WDR88: variants seen among roughly 807,000 people sequenced by gnomAD.
The protein encoded by WDR88 is WD repeat domain 88.
In WDR88, 40 loss-of-function variants were observed where a neutral mutation model predicts 46.8. That is an observed-to-expected ratio of 0.86 (90% CI 0.66 to 1.11). The LOEUF is 1.11. Ranked by LOEUF, WDR88 falls within the 50% of genes most tolerant of loss-of-function variation. The probability of loss-of-function intolerance (pLI) is 0.00; values close to 1 mark genes in which losing one functional copy is unlikely to be tolerated. For missense variants in WDR88, 562 were observed against 602.4 expected (o/e 0.93, Z 0.70); for synonymous variants, 235 against 240.7 (o/e 0.98, Z 0.22).
intron 1 of WDR88, 48 bp downstream of exon 1, chr19:33,132,493 G>T (rs374097747): frequency 1.9e-6 from 3 of 1,596,348 alleles, no homozygotes; most frequent in African/African-American, 1.3e-5. Context: ...TTCCCCACAC[G>T]GGAGGAAGGC....
intron 2 of WDR88, among the ~76,000 whole-genome samples, chr19:33,142,270 A>T (rs1973411994): frequency 6.6e-6 from 1 of 152,016 alleles, no homozygotes; most frequent in Non-Finnish European, 1.5e-5. Flanking sequence ...AGTGGCAGCC[A>T]ATGGGACCAG....
At chr19:33,149,781 T>G (rs1973595992) in intron 5 of WDR88, among the ~76,000 whole-genome samples, 1 of 152,050 alleles carries the variant, frequency 6.6e-6, no homozygotes, top group Admixed American at 6.6e-5. Flanking sequence ...TGCCTCAGCC[T>G]TCTGAGTAGC....
At chr19:33,157,667 ATGTG>A (rs1211109483) in intron 7 of WDR88, among the ~76,000 whole-genome samples, 1 of 95,162 alleles carries the variant, frequency 1.1e-5, no homozygotes, top group East Asian at 5.2e-4. Context: ...ATATGTATGT[ATGTG>A]TGTGTGTGTA....
chr19:33,168,115 T>A (rs1027073223), intron 9 of WDR88, among the ~76,000 whole-genome samples: 1 of 151,554 alleles, frequency 6.6e-6, no homozygotes, highest in Non-Finnish European at 1.5e-5. Context: ...GCAACCTCCA[T>A]CTTCTGGGTT....
intron 6 of WDR88, among the ~76,000 whole-genome samples, chr19:33,153,709 G>A (rs1269410958): frequency 1.3e-5 from 2 of 151,852 alleles, no homozygotes; most frequent in Non-Finnish European, 2.9e-5. Flanking sequence ...TGGCCAGGCT[G>A]GTCTCAAACT....
intron 9 of WDR88, among the ~76,000 whole-genome samples, 167 bp downstream of exon 9, chr19:33,164,432 C>G (rs938997661): frequency 1.3e-5 from 2 of 152,246 alleles, no homozygotes; most frequent in African/African-American, 4.8e-5. Flanking sequence ...TCCTTCTATG[C>G]GCAAACGCGA....
At chr19:33,151,393 A>C (rs1973632360) in intron 6 of WDR88, 83 bp downstream of exon 6, 1 of 1,507,264 alleles carries the variant, frequency 6.6e-7, no homozygotes, top group African/African-American at 1.4e-5. Flanking sequence ...ATAAGCCAGC[A>C]TCCATGTGGA....
chr19:33,170,237 G>C (rs1238698748), intron 9 of WDR88, among the ~76,000 whole-genome samples: 1 of 151,742 alleles, frequency 6.6e-6, no homozygotes, highest in East Asian at 1.9e-4. Flanking sequence ...GAGTGCAGTG[G>C]CATGATCTCA....
At chr19:33,166,766 G>C (rs199718622) in intron 9 of WDR88, among the ~76,000 whole-genome samples, 1 of 134,242 alleles carries the variant, frequency 7.4e-6, no homozygotes, top group Admixed American at 7.6e-5. Context: ...ACAAAAAATA[G>C]CTAGGAGTGG....
At position 33,132,345 on chromosome 19, in the gene WDR88, A is replaced by AC. The variant is rs1195660471; in HGVS notation, c.181dup (p.Leu61ProfsTer14). On this transcript the variant is annotated frameshift_variant, in exon 1 of 11. Coordinates refer to ENST00000355868, the MANE Select transcript of WDR88 (RefSeq NM_173479.4). LOFTEE classifies it high-confidence loss of function. ...CACACGCACCTGCTGGCCACCCTCGACCCCCTGGCCTTGGACAGGGAACCA... is the reference window on the plus strand; with the variant it reads ...CACACGCACCTGCTGGCCACCCTCGACCCCCCTGGCCTTGGACAGGGAACCA... The AC allele has an allele frequency of 6.2e-7, 1 of 1,613,834 alleles. No homozygotes were observed. Among genetic ancestry groups the AC allele is most frequent in the Admixed American group, 1.7e-5 (1 of 59,986 alleles).
Position 33,160,501 on chromosome 19 carries a change from A to T in WDR88, c.1080+5A>T. 6.2e-7 allele frequency: 1 copy of T among 1,614,118 alleles called. No individual in the cohort carries two copies. Among genetic ancestry groups the T allele is most frequent in the Non-Finnish European group, 8.5e-7 (1 of 1,179,978 alleles). ...TACCGGAAGCTCTCTTTGAAGGTAC[A>T]TGTGGCCAGCATGAGATTGAGGATC... On this transcript the variant is annotated splice_donor_5th_base_variant and intron_variant, in intron 8 of 10. Transcript: ENST00000355868.
chr19:33,139,250 G>A (rs1973340746), intron 2 of WDR88, among the ~76,000 whole-genome samples: 1 of 152,272 alleles, frequency 6.6e-6, no homozygotes, highest in Non-Finnish European at 1.5e-5. Flanking sequence ...TTCACATGAG[G>A]TTGCAGAGGT....
At chr19:33,149,132 C>A (rs1005177743) in intron 5 of WDR88, among the ~76,000 whole-genome samples, 2 of 152,106 alleles carry the variant, frequency 1.3e-5, no homozygotes, top group African/African-American at 4.8e-5. Flanking sequence ...CCAGCCTGGG[C>A]AACAGGGTGA....
chr19:33,145,883 G>A (rs1568362356), intron 3 of WDR88, among the ~76,000 whole-genome samples: 1 of 152,174 alleles, frequency 6.6e-6, no homozygotes, highest in Admixed American at 6.6e-5. Flanking sequence ...AACGTGCCAT[G>A]TAAGAAGACA....
At chr19:33,164,069 A>T in intron 8 of WDR88, 128 bp from the exon 9 acceptor site, 1 of 744,692 alleles carries the variant, frequency 1.3e-6, no homozygotes, top group South Asian at 1.6e-5. Flanking sequence ...TCCTGGGCTC[A>T]GGTGACCCTC....
intron 9 of WDR88, among the ~76,000 whole-genome samples, chr19:33,168,035 T>TCTTTC (rs58926256): frequency 1.5e-5 from 2 of 134,534 alleles, no homozygotes; most frequent in Admixed American, 1.5e-4. Flanking sequence ...TTTCTTTCTT[T>TCTTTC]TTTTTTTTTT....
intron 1 of WDR88, among the ~76,000 whole-genome samples, chr19:33,136,037 C>G (rs1488151774): frequency 6.6e-6 from 1 of 151,104 alleles, no homozygotes; most frequent in Non-Finnish European, 1.5e-5. Flanking sequence ...TTAGAGGTGC[C>G]CAACACCACA....
chr19:33,148,878 C>T lies in WDR88; in HGVS notation c.647C>T (p.Ala216Val), dbSNP rs773425928. The change falls in exon 5 of 11, where the codon GCC (alanine) becomes GTC (valine). Residue 216 changes from alanine to valine, a missense_variant. Coordinates refer to ENST00000355868, the MANE Select transcript of WDR88 (RefSeq NM_173479.4). ...DVDHGICIMD[A>V]ENITTVSVIK... The stretch of plus-strand genomic sequence containing the variant: ...GATCATGGAATCTGCATAATGGACG[C>T]CGAGAACATCACCACCGTTTCCGTC... The T allele has an allele frequency of 5.6e-6, 9 of 1,614,008 alleles. No homozygotes were observed. The East Asian group carries it at 1.8e-4, about 32-fold the overall frequency.
chr19:33,134,514 G>A (rs1973208986), intron 1 of WDR88, among the ~76,000 whole-genome samples: 1 of 151,894 alleles, frequency 6.6e-6, no homozygotes. Context: ...AATTTTTAAT[G>A]ATAGTTGGGT....
Sources: allele counts gnomAD v4.1 joint callset (sites outside exome capture counted in the v4.1 genomes callset), GRCh38; gene constraint gnomAD v4.1.1; transcripts MANE v1.5; gene names NCBI Gene and HGNC (gene_info 2026-07-23, HGNC 2026-07-21).